CELF2: variants seen among roughly 807,000 people sequenced by gnomAD.
The protein encoded by CELF2 is CUG triplet repeat RNA-binding protein 2.
Under a neutral mutation model 62.6 loss-of-function variants are expected in CELF2, and 8 were observed. The observed-to-expected ratio is 0.13, with a 90% confidence interval of 0.07 to 0.23. The LOEUF (loss-of-function observed/expected upper bound fraction) is 0.23, where lower values mean the gene tolerates loss of function less well. CELF2 is among the 10% of genes least tolerant of loss of function. The pLI is 1.00. For synonymous variants in CELF2, 258 were observed against 250.0 expected, an observed-to-expected ratio of 1.03 and a Z score of -0.30; for missense variants, 333 against 671.0, an observed-to-expected ratio of 0.50 and a Z score of 5.56.
intron 1 of CELF2, among the ~76,000 whole-genome samples, chr10:11,063,453 A>G (rs1239447554): frequency 6.6e-6 from 1 of 152,208 alleles, no homozygotes; most frequent in Non-Finnish European, 1.5e-5. Context: ...TTAATTACCA[A>G]TTTTTATTTG....
intron 1 of CELF2, among the ~76,000 whole-genome samples, chr10:10,877,682 G>A (rs2061193680): frequency 6.6e-6 from 1 of 152,242 alleles, no homozygotes; most frequent in South Asian, 2.1e-4. Context: ...TCAGCAACCT[G>A]AAATTTAGAG....
At chr10:10,613,206 G>A in the CELF2 span, among the ~76,000 whole-genome samples, 24 of 152,264 alleles carry the variant, frequency 1.6e-4, no homozygotes, top group African/African-American at 5.8e-4. Flanking sequence ...ATTACAAAGG[G>A]AGTTTTTTCT....
chr10:11,212,406 T>G (rs1436142518), intron 2 of CELF2, among the ~76,000 whole-genome samples: 1 of 152,228 alleles, frequency 6.6e-6, no homozygotes, highest in Non-Finnish European at 1.5e-5. Context: ...TTTTCTGTCT[T>G]GTGTTCCTTT....
At chr10:11,146,840 C>T (rs982283753) in intron 1 of CELF2, among the ~76,000 whole-genome samples, 8 of 152,196 alleles carry the variant, frequency 5.3e-5, no homozygotes, top group African/African-American at 1.9e-4. Flanking sequence ...GTTATCTTTG[C>T]CTGGACGTCC....
rs530611248 is a variant in CELF2, at chr10:10,980,913, A to C, written c.89+60914A>C. On this transcript the variant is annotated intron_variant, in intron 2 of 13. Coordinates refer to the CELF2 transcript ENST00000636488. ...TGTGATTGCAGGCATGAGCCACCACACACAGCCCCTTTTATTTCTTTTGAT... is the reference window on the plus strand; with the variant it reads ...TGTGATTGCAGGCATGAGCCACCACCCACAGCCCCTTTTATTTCTTTTGAT... Among the ~76,000 whole-genome samples the C allele has an allele frequency of 5.3e-5, 8 of 152,202 alleles. No homozygotes were observed. In the South Asian group the frequency reaches 1.0e-3, roughly 20 times the overall value.
intron 2 of CELF2, among the ~76,000 whole-genome samples, chr10:11,197,062 G>GAAAGAA (rs2058081676): frequency 9.7e-6 from 1 of 103,034 alleles, no homozygotes; most frequent in Non-Finnish European, 2.1e-5. Flanking sequence ...AGAAAGAAAA[G>GAAAGAA]AAAGAAAGGA....
chr10:11,027,529 C>A (rs180696760), intron 1 of CELF2, among the ~76,000 whole-genome samples: 6 of 151,438 alleles, frequency 4.0e-5, no homozygotes, highest in African/African-American at 1.5e-4. Context: ...ACCTTTCTTT[C>A]GGGAGGAATT....
the CELF2 span, among the ~76,000 whole-genome samples, chr10:10,569,698 G>A: frequency 2.6e-5 from 4 of 152,186 alleles, no homozygotes; most frequent in Non-Finnish European, 5.9e-5. Context: ...TCATTGGGAG[G>A]ATTGAAGAAG....
chr10:11,000,996 G>A (rs1474460624), upstream of CELF2, among the ~76,000 whole-genome samples: 1 of 152,158 alleles, frequency 6.6e-6, no homozygotes, highest in Non-Finnish European at 1.5e-5. Context: ...GGTCAGAGGA[G>A]CTTTGTGTCT....
the CELF2 span, among the ~76,000 whole-genome samples, chr10:10,735,650 C>T: frequency 6.6e-6 from 1 of 152,162 alleles, no homozygotes; most frequent in Admixed American, 6.5e-5. Flanking sequence ...GCATCATCCC[C>T]ATGACGTTAA....
intron 2 of CELF2, among the ~76,000 whole-genome samples, chr10:11,188,293 T>TG (rs1251606122): frequency 1.3e-5 from 2 of 152,160 alleles, no homozygotes; most frequent in Admixed American, 6.5e-5. Context: ...TTAGTAGAGA[T>TG]GGGGTTTCTC....
the CELF2 span, among the ~76,000 whole-genome samples, chr10:10,763,938 G>A: frequency 6.6e-6 from 1 of 152,246 alleles, no homozygotes; most frequent in African/African-American, 2.4e-5. Context: ...ATGAGAAAGT[G>A]CTAATGGATA....
At chr10:11,313,355 C>A (rs1183621211) in intron 9 of CELF2, among the ~76,000 whole-genome samples, 2 of 152,210 alleles carry the variant, frequency 1.3e-5, no homozygotes, top group Admixed American at 6.5e-5. Context: ...CTTCCAGTAA[C>A]TGACAGATCA....
chr10:10,736,941 G>A, the CELF2 span, among the ~76,000 whole-genome samples: 1 of 152,102 alleles, frequency 6.6e-6, no homozygotes, highest in Non-Finnish European at 1.5e-5. Flanking sequence ...TAATCTCACA[G>A]AAAATTACTC....
At chr10:10,548,221 T>C in the CELF2 span, among the ~76,000 whole-genome samples, 1 of 152,210 alleles carries the variant, frequency 6.6e-6, no homozygotes, top group African/African-American at 2.4e-5. Flanking sequence ...TACCCTGTGG[T>C]CCCTCCCAGC....
intron 1 of CELF2, among the ~76,000 whole-genome samples, chr10:11,152,324 A>T (rs1477949192): frequency 6.6e-6 from 1 of 152,328 alleles, no homozygotes; most frequent in Non-Finnish European, 1.5e-5. Context: ...ACAATGAGGA[A>T]TATAAGAGCA....
intron 1 of CELF2, among the ~76,000 whole-genome samples, chr10:11,022,897 G>A (rs936888327): frequency 3.9e-5 from 6 of 152,146 alleles, no homozygotes; most frequent in Non-Finnish European, 5.9e-5. Context: ...TCTCATAAAT[G>A]TTAAGCAGTA....
rs184914120 is a variant in CELF2 at position 11,285,349 on chromosome 10, A to G, written c.842-3069A>G. On this transcript the variant is annotated intron_variant, in intron 8 of 12. Transcript: ENST00000633077. This position sits in a 1 kb window ranked among gnomAD's most constrained non-coding sequence, Gnocchi z 4.3. Reference sequence around the variant, plus strand: ...GTCTGGCTGTTGAGCAGTGTTAGCTATGCCCCCGTGTGGTGCCTCAGAGAC... The same window carrying G: ...GTCTGGCTGTTGAGCAGTGTTAGCTGTGCCCCCGTGTGGTGCCTCAGAGAC... Among the ~76,000 whole-genome samples the G allele has an allele frequency of 2.0e-5, 3 of 152,180 alleles. No homozygotes were observed. The highest frequency in any genetic ancestry group is 6.5e-5 in the Admixed American group (1 of 15,296).
chr10:10,468,823 T>A, the CELF2 span, among the ~76,000 whole-genome samples: 649 of 152,078 alleles, frequency 4.3e-3, 5 homozygotes, highest in African/African-American at 0.015. Context: ...ACATAAAGCA[T>A]CAGTGATCTC....
Sources: allele counts gnomAD v4.1 joint callset (sites outside exome capture counted in the v4.1 genomes callset), GRCh38; gene constraint gnomAD v4.1.1; non-coding constraint Gnocchi (gnomAD v3.1); transcripts MANE v1.5; gene names NCBI Gene and HGNC (gene_info 2026-07-23, HGNC 2026-07-21).